ZNF562: variants seen among roughly 807,000 people sequenced by gnomAD.
ZNF562 encodes the protein zinc finger protein 562.
In ZNF562, 13 loss-of-function variants were observed where a neutral mutation model predicts 17.5. The observed-to-expected ratio is 0.74, with a 90% CI of 0.48 to 1.18. ZNF562 has a LOEUF of 1.18. ZNF562 is among the 50% of genes most tolerant of loss of function. ZNF562 has a pLI of 0.00. For missense variants in ZNF562, 481 were observed against 498.5 expected (o/e 0.96, Z 0.33); for synonymous variants, 163 against 165.4 (o/e 0.99, Z 0.11).
At chr19:9,674,168 A>G (rs2145064519) in intron 1 of ZNF562, among the ~76,000 whole-genome samples, 1 of 152,256 alleles carries the variant, frequency 6.6e-6, no homozygotes, top group East Asian at 1.9e-4. Flanking sequence ...TAATTTAAAG[A>G]GAGTGACAGG....
chr19:9,664,137 A>G (rs964128948), intron 1 of ZNF562, among the ~76,000 whole-genome samples: 2 of 151,786 alleles, frequency 1.3e-5, no homozygotes, highest in Admixed American at 6.6e-5. Flanking sequence ...GGCACAATCT[A>G]GGCTCACTGC....
intron 1 of ZNF562, among the ~76,000 whole-genome samples, chr19:9,669,717 AGC>A (rs3074896): frequency 0.016 from 1,603 of 98,878 alleles, 18 homozygotes; most frequent in African/African-American, 0.024. Context: ...CACGCGCGCG[AGC>A]GCGCGCGCGC....
Position 9,646,907 on chromosome 19 carries a change from G to A in ZNF562, c.*6042C>T, listed in dbSNP as rs1161258766. ...CTGCCTCAGCCTCCCAAGCGGCTGG[G>A]ATTACAGGCGCCCGCCAACTCACCT... On this transcript the variant is annotated 3_prime_UTR_variant, in exon 6 of 6. Transcript: ENST00000453372. 1 of 151,706 alleles carries A rather than the reference G, an allele frequency of 6.6e-6. No individual in the cohort carries two copies. The highest frequency in any genetic ancestry group is 1.5e-5 in the Non-Finnish European group (1 of 67,936). 9.4% of individuals were successfully genotyped at this position (151,706 alleles called of 1,614,324 possible). A position where few individuals can be genotyped will look rare whatever the true frequency, so the allele number is the denominator to read the frequency against.
At chr19:9,662,797 G>A (rs751127049) in intron 1 of ZNF562, among the ~76,000 whole-genome samples, 17 of 151,772 alleles carry the variant, frequency 1.1e-4, no homozygotes, top group African/African-American at 2.9e-4. Flanking sequence ...GGACAATGGC[G>A]TGAACTTGAG....
chr19:9,663,729 T>A (rs2043845135), intron 1 of ZNF562, among the ~76,000 whole-genome samples: 1 of 151,736 alleles, frequency 6.6e-6, no homozygotes, highest in South Asian at 2.1e-4. Context: ...CAGGCTGGAG[T>A]GCAGTGGCGC....
intron 2 of ZNF562, among the ~76,000 whole-genome samples, chr19:9,659,927 A>C (rs1487761403): frequency 3.3e-5 from 3 of 91,786 alleles, no homozygotes; most frequent in Non-Finnish European, 6.0e-5. Flanking sequence ...CCCCGTCTCT[A>C]CTAAAAAAAA....
chr19:9,655,087 C>T (rs1340453405), intron 5 of ZNF562, among the ~76,000 whole-genome samples: 1 of 152,116 alleles, frequency 6.6e-6, no homozygotes, highest in Non-Finnish European at 1.5e-5. Flanking sequence ...AACTCCCAGG[C>T]TCAAGCCATC....
intron 5 of ZNF562, among the ~76,000 whole-genome samples, chr19:9,655,372 T>TTATACA (rs1201327364): frequency 6.6e-6 from 1 of 152,178 alleles, no homozygotes; most frequent in Non-Finnish European, 1.5e-5. Flanking sequence ...TATTTTTCAG[T>TTATACA]GACAAGTTAT....
chr19:9,670,685 G>T (rs545468014), intron 1 of ZNF562, among the ~76,000 whole-genome samples: 1 of 152,034 alleles, frequency 6.6e-6, no homozygotes, highest in African/African-American at 2.4e-5. Context: ...GGAAGGAGAC[G>T]GAGATAAAGA....
chr19:9,664,045 A>G lies in ZNF562; in HGVS notation c.-130-3171T>C, dbSNP rs117071999. On this transcript the variant is annotated intron_variant, in intron 1 of 5. Coordinates refer to ENST00000453372, the MANE Select transcript of ZNF562 (RefSeq NM_001130031.2). ...GCTGAGATTACAGGTGTGAGCCACCACACCTGGTCTGTGAATTTGTTTTGT... is the reference window on the plus strand; with the variant it reads ...GCTGAGATTACAGGTGTGAGCCACCGCACCTGGTCTGTGAATTTGTTTTGT... Among the ~76,000 whole-genome samples, 39 of 152,068 alleles carry G rather than the reference A, an allele frequency of 2.6e-4. 1 individual carries two copies. The East Asian group carries it at 7.2e-3, about 28-fold the overall frequency.
rs151260844 is a variant in ZNF562 at position 9,662,024 on chromosome 19, A to C, written c.-130-1150T>G. 2.5e-3 allele frequency among the ~76,000 whole-genome samples: 376 copies of C among 152,120 alleles called. 2 individuals are homozygous for C. Among genetic ancestry groups the C allele is most frequent in the African/African-American group, 8.2e-3 (340 of 41,524 alleles). ...CAATCCTCCCACCTTGGCCTCCCAAAGTGCTGGGATAATAAGCATGAGCCA... is the reference window on the plus strand; with the variant it reads ...CAATCCTCCCACCTTGGCCTCCCAACGTGCTGGGATAATAAGCATGAGCCA... On this transcript the variant is annotated intron_variant, in intron 1 of 5. Transcript: ENST00000453372.
rs1245869981 is a variant in ZNF562, at chr19:9,650,295, C to G, written c.*2654G>C. On this transcript the variant is annotated 3_prime_UTR_variant, in exon 6 of 6. Coordinates refer to ENST00000453372, the MANE Select transcript of ZNF562 (RefSeq NM_001130031.2). ...CCAAAGTACTTAATATGATTCTTTT[C>G]TCTTTCCACATAGAGAATCAGATAA... is the stretch of plus-strand genomic sequence containing the variant. 1 of 151,828 alleles carries G rather than the reference C, an allele frequency of 6.6e-6. No homozygotes were observed. Among genetic ancestry groups the G allele is most frequent in the Non-Finnish European group, 1.5e-5 (1 of 67,998 alleles). 9.4% of individuals were successfully genotyped at this position (151,828 alleles called of 1,614,324 possible). A position where few individuals can be genotyped will look rare whatever the true frequency, so the allele number is the denominator to read the frequency against.
At chr19:9,669,877 C>T (rs2044119549) in intron 1 of ZNF562, among the ~76,000 whole-genome samples, 3 of 151,800 alleles carry the variant, frequency 2.0e-5, no homozygotes, top group Admixed American at 6.6e-5. Context: ...GCCTGGTCAA[C>T]ATGGTGAAAC....
chr19:9,658,378 T>G (rs1387223240), intron 3 of ZNF562: 1 of 983,278 alleles, frequency 1.0e-6, no homozygotes, highest in East Asian at 1.1e-4. Context: ...TGACAGAGTT[T>G]TGCTCTTTTT....
At chr19:9,656,504 C>G in intron 5 of ZNF562, 43 bp downstream of exon 5, 1 of 1,604,674 alleles carries the variant, frequency 6.2e-7, no homozygotes, top group South Asian at 1.1e-5. Flanking sequence ...GACTCCGTCT[C>G]AAAAAACAGA....
chr19:9,673,926 T>C (rs1439718048), intron 1 of ZNF562, among the ~76,000 whole-genome samples: 2 of 152,050 alleles, frequency 1.3e-5, no homozygotes, highest in African/African-American at 4.8e-5. Context: ...TGAATCATGT[T>C]ATAAAGTTTT....
At chr19:9,656,197 C>T (rs1229977045) in intron 5 of ZNF562, among the ~76,000 whole-genome samples, 2 of 152,130 alleles carry the variant, frequency 1.3e-5, no homozygotes, top group Non-Finnish European at 2.9e-5. Flanking sequence ...TCAATCTTTT[C>T]TGAGAGAGGA....
At chr19:9,658,715 ATTTT>A (rs981811951) in intron 3 of ZNF562, among the ~76,000 whole-genome samples, 2 of 151,840 alleles carry the variant, frequency 1.3e-5, no homozygotes, top group Non-Finnish European at 2.9e-5. Context: ...TAATTTTTTA[ATTTT>A]TTTTAATTTT....
intron 1 of ZNF562, among the ~76,000 whole-genome samples, chr19:9,673,291 A>C (rs1007245083): frequency 2.0e-5 from 3 of 151,992 alleles, no homozygotes; most frequent in Admixed American, 6.6e-5. Flanking sequence ...CCCCTCCCTT[A>C]TCTGGTGTAC....
Sources: gnomAD v4.1 joint callset for allele counts (sites outside exome capture counted in the v4.1 genomes callset) on GRCh38, gnomAD v4.1.1 for gene constraint, MANE v1.5 for transcripts, NCBI Gene and HGNC (gene_info 2026-07-23, HGNC 2026-07-21) for gene names.